Variants in TMCO4 observed in about 807,000 individuals in gnomAD.
TMCO4 encodes the protein transmembrane and coiled-coil domain-containing protein 4.
Under a neutral mutation model 64.7 loss-of-function variants are expected in TMCO4, and 58 were observed. The observed-to-expected ratio is 0.90, with a 90% CI of 0.73 to 1.12. TMCO4 has a LOEUF of 1.12. TMCO4 is among the 50% of genes most tolerant of loss of function. The pLI is 0.00. For missense variants in TMCO4, 780 were observed against 825.9 expected (o/e 0.94, Z 0.68); for synonymous variants, 325 against 346.1 (o/e 0.94, Z 0.68).
At chr1:19,736,220 C>T (rs1359808818) in intron 13 of TMCO4, among the ~76,000 whole-genome samples, 1 of 152,174 alleles carries the variant, frequency 6.6e-6, no homozygotes, top group Non-Finnish European at 1.5e-5. Flanking sequence ...TGGTGGCAGG[C>T]AAGAGAACGC....
intron 13 of TMCO4, among the ~76,000 whole-genome samples, chr1:19,730,662 G>A (rs545405080): frequency 9.8e-4 from 150 of 152,350 alleles, no homozygotes; most frequent in Non-Finnish European, 1.8e-3. Flanking sequence ...GATCCCTAGA[G>A]GAGCCACCCC....
intron 6 of TMCO4, 62 bp downstream of exon 6, chr1:19,770,480 C>T (rs2042931474): frequency 1.2e-6 from 2 of 1,603,728 alleles, no homozygotes; most frequent in Non-Finnish European, 1.7e-6. Context: ...CTCTCACTGG[C>T]TTTGCTAGCC....
chr1:19,789,222 C>T (rs374930349), intron 2 of TMCO4, among the ~76,000 whole-genome samples: 16 of 151,812 alleles, frequency 1.1e-4, no homozygotes, highest in East Asian at 7.8e-4. Context: ...GCCAACATGG[C>T]GAAACCCCAT....
chr1:19,747,653 C>T (rs150102885), intron 7 of TMCO4, among the ~76,000 whole-genome samples: 1,709 of 152,332 alleles, frequency 0.011, 13 homozygotes, highest in Middle Eastern at 0.027. Flanking sequence ...AACCTGCCAT[C>T]TGATCCCACC....
intron 13 of TMCO4, among the ~76,000 whole-genome samples, chr1:19,710,486 A>C (rs1381049278): frequency 2.6e-5 from 4 of 152,140 alleles, no homozygotes; most frequent in African/African-American, 9.7e-5. Context: ...GCTCAGGACT[A>C]AGTGCTTCAT....
intron 6 of TMCO4, among the ~76,000 whole-genome samples, chr1:19,759,776 C>G (rs1020269796): frequency 5.9e-5 from 9 of 152,204 alleles, no homozygotes; most frequent in African/African-American, 2.2e-4. Context: ...ACCCCATTTC[C>G]CTGTATAGGT....
Position 19,715,253 on chromosome 1 carries a change from C to T in TMCO4, c.1265-14368G>A, listed in dbSNP as rs2095350349. 3.9e-5 allele frequency among the ~76,000 whole-genome samples: 6 copies of T among 152,148 alleles called. No individual in the cohort carries two copies. In the South Asian group the frequency reaches 1.2e-3, roughly 32 times the overall value. On this transcript the variant is annotated intron_variant, in intron 13 of 15. Coordinates refer to ENST00000294543, the MANE Select transcript of TMCO4 (RefSeq NM_181719.7). ...TCTCAAAACAAATTATTTATTTATT[C>T]ATGTTAGAGACAGGGTCTCACTGTA... is the stretch of plus-strand genomic sequence containing the variant.
chr1:19,747,732 T>A (rs561406439), intron 7 of TMCO4, among the ~76,000 whole-genome samples: 1 of 152,304 alleles, frequency 6.6e-6, no homozygotes, highest in South Asian at 2.1e-4. Flanking sequence ...ACCTTGGCCT[T>A]GGAGCAGTAG....
intron 14 of TMCO4, among the ~76,000 whole-genome samples, chr1:19,699,512 T>C (rs2095257835): frequency 7.0e-6 from 1 of 143,768 alleles, no homozygotes; most frequent in Non-Finnish European, 1.5e-5. Context: ...TATATATATA[T>C]ATTGAGATGG....
In TMCO4 at chr1:19,732,054, G is replaced by A. The variant is rs1216747877; in HGVS notation, c.1264+5318C>T. ...GACAGCGGGGGTTTTAAACTGAGCG[G>A]GGCCTGTGCACCCAGCTGCATGGGA... On this transcript the variant is annotated intron_variant, in intron 13 of 15. Coordinates refer to ENST00000294543, the MANE Select transcript of TMCO4 (RefSeq NM_181719.7). This position sits in a 1 kb window ranked among gnomAD's most constrained non-coding sequence, Gnocchi z 4.8. Among the ~76,000 whole-genome samples, 1 of 152,184 alleles carries A rather than the reference G, an allele frequency of 6.6e-6. No homozygotes were observed. The highest frequency in any genetic ancestry group is 2.4e-5 in the African/African-American group (1 of 41,432).
chr1:19,737,831 C>T (rs534534900), intron 12 of TMCO4, among the ~76,000 whole-genome samples: 4 of 152,356 alleles, frequency 2.6e-5, no homozygotes, highest in South Asian at 2.1e-4. Context: ...TGCAGTGCTG[C>T]GGGACCCCTT....
chr1:19,734,823 A>G lies in TMCO4; in HGVS notation c.1264+2549T>C, dbSNP rs2095446470. ...TGGCACTTAGGATTCTTGTGGCTTC[A>G]CCTCTCAGCCTCAGTTTTCTCATCT... On this transcript the variant is annotated intron_variant, in intron 13 of 15. Transcript: ENST00000294543. This position sits in a 1 kb window ranked among gnomAD's most constrained non-coding sequence, Gnocchi z 4.4. Among the ~76,000 whole-genome samples the G allele has an allele frequency of 6.6e-6, 1 of 151,902 alleles. No homozygotes were observed. Among genetic ancestry groups the G allele is most frequent in the African/African-American group, 2.4e-5 (1 of 41,344 alleles).
At chr1:19,785,941 A>G (rs552965622) in intron 3 of TMCO4, among the ~76,000 whole-genome samples, 13 of 152,310 alleles carry the variant, frequency 8.5e-5, no homozygotes, top group African/African-American at 2.9e-4. Context: ...AGGAAACAGT[A>G]TGGTGGTAGA....
At chr1:19,758,630 G>A (rs1488418773) in intron 6 of TMCO4, among the ~76,000 whole-genome samples, 1 of 152,116 alleles carries the variant, frequency 6.6e-6, no homozygotes, top group Non-Finnish European at 1.5e-5. Flanking sequence ...GCCAGGGTTC[G>A]TAGTTTAAGG....
intron 3 of TMCO4, among the ~76,000 whole-genome samples, chr1:19,783,734 A>C (rs1284658799): frequency 6.6e-6 from 1 of 152,220 alleles, no homozygotes; most frequent in Non-Finnish European, 1.5e-5. Flanking sequence ...GATCCAAACC[A>C]GACTTTTGAC....
chr1:19,731,662 G>T (rs955556003), intron 13 of TMCO4, among the ~76,000 whole-genome samples: 1 of 152,222 alleles, frequency 6.6e-6, no homozygotes, highest in South Asian at 2.1e-4. Context: ...GGCCCTGAGT[G>T]TGTGTGTATT....
intron 13 of TMCO4, among the ~76,000 whole-genome samples, chr1:19,709,042 G>A (rs2095316703): frequency 6.6e-6 from 1 of 152,104 alleles, no homozygotes; most frequent in Admixed American, 6.6e-5. Flanking sequence ...TAGACACGTA[G>A]AGAGAGGCCA....
chr1:19,751,717 A>G (rs576132433), intron 7 of TMCO4, among the ~76,000 whole-genome samples: 5 of 152,202 alleles, frequency 3.3e-5, no homozygotes, highest in Non-Finnish European at 7.4e-5. Context: ...CTGAATGGCC[A>G]ATCTATTTCC....
intron 6 of TMCO4, among the ~76,000 whole-genome samples, chr1:19,768,196 C>T (rs748111722): frequency 2.6e-4 from 40 of 152,038 alleles, no homozygotes; most frequent in Non-Finnish European, 4.3e-4. Context: ...CACTGGAGGA[C>T]GAGATGAAAT....
Sources: allele counts gnomAD v4.1 joint callset (sites outside exome capture counted in the v4.1 genomes callset), GRCh38; gene constraint gnomAD v4.1.1; non-coding constraint Gnocchi (gnomAD v3.1); transcripts MANE v1.5; gene names NCBI Gene and HGNC (gene_info 2026-07-23, HGNC 2026-07-21).